The following STRN3 variants were observed in gnomAD, a reference collection of about 807,000 sequenced individuals.
STRN3 encodes the protein striatin 3, also known as striatin-3.
A neutral mutation model predicts 95.6 loss-of-function variants in STRN3; 29 were observed. The observed-to-expected ratio is 0.30, with a 90% CI of 0.23 to 0.41. The LOEUF is 0.41. STRN3 is among the 10% of genes least tolerant of loss of function. STRN3 has a pLI of 1.00. For missense variants in STRN3, 890 were observed against 972.1 expected (o/e 0.92, Z 1.12); for synonymous variants, 331 against 357.6 (o/e 0.93, Z 0.84).
At chr14:30,987,692 G>A (rs888492844) in intron 1 of STRN3, among the ~76,000 whole-genome samples, 3 of 151,702 alleles carry the variant, frequency 2.0e-5, no homozygotes, top group African/African-American at 7.3e-5. Flanking sequence ...CTGACTACTC[G>A]CTGTGATTCT....
chr14:30,955,170 T>A (rs1879839029), intron 3 of STRN3, among the ~76,000 whole-genome samples: 1 of 152,188 alleles, frequency 6.6e-6, no homozygotes, highest in Non-Finnish European at 1.5e-5. Context: ...CTCTTAATTT[T>A]ATATGTATGA....
chr14:30,898,313 C>A, intron 16 of STRN3, among the ~76,000 whole-genome samples: 1 of 152,172 alleles, frequency 6.6e-6, no homozygotes, highest in East Asian at 1.9e-4. Flanking sequence ...CTAGTTCAAA[C>A]TTCTCTCTTG....
At chr14:31,013,471 A>T (rs1883065627) in intron 1 of STRN3, among the ~76,000 whole-genome samples, 1 of 152,184 alleles carries the variant, frequency 6.6e-6, no homozygotes, top group Non-Finnish European at 1.5e-5. Context: ...CTACCTACAT[A>T]AAAAACACTA....
intron 1 of STRN3, among the ~76,000 whole-genome samples, chr14:31,009,705 A>C (rs1470314493): frequency 1.3e-5 from 2 of 152,032 alleles, no homozygotes; most frequent in Non-Finnish European, 2.9e-5. Flanking sequence ...AAACTCTCAA[A>C]ATAAATAGAA....
intron 1 of STRN3, among the ~76,000 whole-genome samples, chr14:31,006,784 C>T (rs1433107708): frequency 2.0e-5 from 3 of 151,980 alleles, no homozygotes; most frequent in Non-Finnish European, 4.4e-5. Flanking sequence ...TTGAAAGAGA[C>T]ATGAAAGTTC....
chr14:30,957,205 A>C (rs1879955167), intron 1 of STRN3, among the ~76,000 whole-genome samples: 1 of 152,074 alleles, frequency 6.6e-6, no homozygotes, highest in Non-Finnish European at 1.5e-5. Flanking sequence ...CTGTAATCCC[A>C]GCACTTTGGG....
intron 1 of STRN3, among the ~76,000 whole-genome samples, chr14:31,006,073 C>A (rs79940597): frequency 6.8e-6 from 1 of 146,906 alleles, no homozygotes; most frequent in African/African-American, 2.5e-5. Context: ...AAGCCGAGAT[C>A]GCGCCACTGC....
chr14:30,927,206 A>C (rs1389003860), intron 8 of STRN3, among the ~76,000 whole-genome samples: 1 of 152,106 alleles, frequency 6.6e-6, no homozygotes, highest in Non-Finnish European at 1.5e-5. Flanking sequence ...CCAGCTACTC[A>C]GGAGGCTGAG....
intron 1 of STRN3, among the ~76,000 whole-genome samples, chr14:30,989,604 G>A (rs1453581168): frequency 2.6e-5 from 4 of 152,118 alleles, no homozygotes; most frequent in African/African-American, 4.8e-5. Context: ...GGGACTACAG[G>A]TGCCCGCCAC....
Position 31,026,326 on chromosome 14 carries a change from G to C in STRN3, c.-141C>G. The stretch of plus-strand genomic sequence containing the variant: ...AAGGGGTCGTTGCTGTGTGCCTGCC[G>C]TGGGTCAGAGCAGGGAGCTGCCGGC... On this transcript the variant is annotated 5_prime_UTR_variant, in exon 1 of 18. Coordinates refer to ENST00000357479, the MANE Select transcript of STRN3 (RefSeq NM_001083893.2). 1.1e-6 allele frequency: 1 copy of C among 900,416 alleles called. No individual in the cohort carries two copies. Among genetic ancestry groups the C allele is most frequent in the Non-Finnish European group, 1.5e-6 (1 of 656,334 alleles). The allele number at this position is 900,416 out of a possible 1,614,324, so 55.8% of individuals were successfully genotyped here. A position where few individuals can be genotyped will look rare whatever the true frequency, so the allele number is the denominator to read the frequency against.
chr14:30,901,829 C>T (rs1594409856), intron 16 of STRN3, among the ~76,000 whole-genome samples: 1 of 152,092 alleles, frequency 6.6e-6, no homozygotes, highest in Non-Finnish European at 1.5e-5. Flanking sequence ...ATAATAAACA[C>T]TATGCACTAT....
chr14:30,916,276 T>A (rs1475352078), intron 9 of STRN3, among the ~76,000 whole-genome samples: 1 of 146,034 alleles, frequency 6.8e-6, no homozygotes, highest in Non-Finnish European at 1.5e-5. Flanking sequence ...AACAAGTAGT[T>A]TTTTTGGTTT....
chr14:30,984,266 TAAAAAAAAAAAAA>T lies in STRN3; in HGVS notation c.283-28037_283-28025del, dbSNP rs755650146. ...AAAGAAAGAAAAGGATGAGGAATTC[TAAAAAAAAAAAAA>T]AAAAAAAAAAAAACAGAAAAGAATT... On this transcript the variant is annotated intron_variant, in intron 1 of 17. Transcript: ENST00000357479. Among the ~76,000 whole-genome samples, 4 of 86,856 alleles carry T rather than the reference TAAAAAAAAAAAAA, an allele frequency of 4.6e-5. No individual in the cohort carries two copies. The East Asian group carries it at 1.8e-3, about 39-fold the overall frequency. 57.0% of individuals were successfully genotyped at this position (86,856 alleles called of 152,430 possible). A position where few individuals can be genotyped will look rare whatever the true frequency, so the allele number is the denominator to read the frequency against.
At chr14:30,909,520 C>A (rs1204173994) in intron 13 of STRN3, among the ~76,000 whole-genome samples, 17 of 152,136 alleles carry the variant, frequency 1.1e-4, no homozygotes. Context: ...ACTCTCTTCC[C>A]AGGCTGGAGT....
At chr14:30,976,774 C>T (rs981360504) in intron 1 of STRN3, among the ~76,000 whole-genome samples, 1 of 152,154 alleles carries the variant, frequency 6.6e-6, no homozygotes, top group East Asian at 1.9e-4. Flanking sequence ...AAACACTGGT[C>T]AAAGAAGTAT....
intron 5 of STRN3, among the ~76,000 whole-genome samples, chr14:30,943,038 G>A (rs1275130158): frequency 6.6e-6 from 1 of 152,174 alleles, no homozygotes; most frequent in African/African-American, 2.4e-5. Flanking sequence ...TAGGCATACT[G>A]CCTCTAAAAT....
chr14:30,961,884 G>T (rs1297183903), intron 1 of STRN3, among the ~76,000 whole-genome samples: 2 of 152,210 alleles, frequency 1.3e-5, no homozygotes, highest in Non-Finnish European at 2.9e-5. Context: ...TAAGATTACA[G>T]GTGTGAACCA....
chr14:30,984,656 T>C (rs1054998875), intron 1 of STRN3, among the ~76,000 whole-genome samples: 1 of 152,086 alleles, frequency 6.6e-6, no homozygotes, highest in East Asian at 2.0e-4. Flanking sequence ...CAGGCACCTG[T>C]AGTCCCAGCT....
intron 1 of STRN3, among the ~76,000 whole-genome samples, chr14:30,958,987 T>C (rs1043880037): frequency 3.3e-5 from 5 of 152,174 alleles, no homozygotes; most frequent in African/African-American, 1.2e-4. Context: ...TGCGAGAATT[T>C]AGGACAAGGA....
Sources: allele counts gnomAD v4.1 joint callset (sites outside exome capture counted in the v4.1 genomes callset), GRCh38; gene constraint gnomAD v4.1.1; transcripts MANE v1.5; gene names NCBI Gene and HGNC (gene_info 2026-07-23, HGNC 2026-07-21).